The following PFAS variants were observed in gnomAD, a reference collection of about 807,000 sequenced individuals.
The protein encoded by PFAS is phosphoribosylformylglycinamidine synthase.
Under a neutral mutation model 140.6 loss-of-function variants are expected in PFAS, and 97 were observed. The observed-to-expected ratio is 0.69, with a 90% CI of 0.59 to 0.82. The LOEUF (loss-of-function observed/expected upper bound fraction) is 0.82. Ranked by LOEUF, PFAS falls within the 40% of genes least tolerant of loss-of-function variation. PFAS has a pLI of 0.00. For synonymous variants in PFAS, 679 were observed against 718.8 expected, an observed-to-expected ratio of 0.94 and a Z score of 0.88; for missense variants, 1,656 against 1,780.2, an observed-to-expected ratio of 0.93 and a Z score of 1.26.
intron 11 of PFAS, among the ~76,000 whole-genome samples, chr17:8,259,272 T>A (rs1989498708): frequency 6.6e-6 from 1 of 151,958 alleles, no homozygotes; most frequent in South Asian, 2.1e-4. Flanking sequence ...TCAAGTCAGA[T>A]TTTTTTTCTC....
intron 1 of PFAS, among the ~76,000 whole-genome samples, chr17:8,252,959 G>T (rs1989216772): frequency 6.6e-6 from 1 of 152,174 alleles, no homozygotes; most frequent in Admixed American, 6.6e-5. Flanking sequence ...AAGAGGTTTG[G>T]TGAGATTAGT....
rs753748834 is a variant in PFAS at position 8,263,892 on chromosome 17, C to T, written c.1747C>T (p.Arg583Cys). The T allele has an allele frequency of 1.1e-5, 18 of 1,613,926 alleles. No individual in the cohort carries two copies. The highest frequency in any genetic ancestry group is 2.7e-5 in the African/African-American group (2 of 74,920). ...CCTGACTCATGTCAGTGCCCGTGAA[C>T]GTTGCCCGGCTTGCTTCGTGGGCAC... ...DFLTHVSARE[R>C]CPACFVGTIT... is the part of the protein sequence containing the mutation. Residue 583 changes from arginine to cysteine, a missense_variant, in exon 15 of 28, where the codon CGT (arginine) becomes TGT (cysteine). By Grantham distance (180) the Arg-to-Cys change is radical. Transcript: ENST00000314666.
Position 8,268,702 on chromosome 17 carries a change from C to T in PFAS, c.3552C>T (p.Asp1184=). 1 of 1,613,336 alleles carries T rather than the reference C, an allele frequency of 6.2e-7. No homozygotes were observed. Among genetic ancestry groups the T allele is most frequent in the Non-Finnish European group, 8.5e-7 (1 of 1,179,932 alleles). ...PNEDAAEMGP[D]SQPARPGLLL... ...AGGATGCTGCAGAGATGGGCCCTGACTCCCAGCCAGCCCGGCCAGGCCTTC... is the reference window on the plus strand; with the variant it reads ...AGGATGCTGCAGAGATGGGCCCTGATTCCCAGCCAGCCCGGCCAGGCCTTC... Residue 1184 remains aspartate, a synonymous_variant, in exon 27 of 28, where the codon GAC becomes GAT. Transcript: ENST00000314666.
Position 8,257,870 on chromosome 17 carries a change from A to G in PFAS, c.1139A>G (p.Glu380Gly), listed in dbSNP as rs1387522997. The G allele has an allele frequency of 1.2e-6, 2 of 1,614,088 alleles. No homozygotes were observed. Among genetic ancestry groups the G allele is most frequent in the Admixed American group, 1.7e-5 (1 of 60,006 alleles). ...QYPGNFARPLEVAIEASNGAS... is the reference protein window; with the variant it reads ...QYPGNFARPLGVAIEASNGAS... ...CCTGGGAATTTTGCCCGGCCCCTGGAGGTTGCCATTGAAGCCAGTAATGGA... is the reference window on the plus strand; with the variant it reads ...CCTGGGAATTTTGCCCGGCCCCTGGGGGTTGCCATTGAAGCCAGTAATGGA... Residue 380 changes from glutamate to glycine, a missense_variant, in exon 10 of 28, where the codon GAG (glutamate) becomes GGG (glycine). By Grantham distance (98) the Glu-to-Gly change is moderately conservative. Transcript: ENST00000314666.
At chr17:8,252,560 C>T (rs1233419212) in intron 1 of PFAS, among the ~76,000 whole-genome samples, 15 of 151,432 alleles carry the variant, frequency 9.9e-5, no homozygotes, top group Admixed American at 9.2e-4. Flanking sequence ...CGCATCACCA[C>T]GCCCGGCTAA....
At position 8,269,217 on chromosome 17, in the gene PFAS, C is replaced by T; in HGVS notation, c.3970C>T (p.Gln1324Ter). Residue 1324 changes from glutamine (Q) to a stop codon, truncating the protein, a stop_gained, in exon 28 of 28, where the codon CAG becomes TAG. Transcript: ENST00000314666. LOFTEE classifies it high-confidence loss of function. The part of the protein sequence containing the change: ...FDTLTTSPWL[Q>*]LFINARNWTL... ...TACTCTGACCACCTCCCCCTGGCTCCAGCTCTTTATCAATGCCCGAAACTG... is the reference window on the plus strand; with the variant it reads ...TACTCTGACCACCTCCCCCTGGCTCTAGCTCTTTATCAATGCCCGAAACTG... The T allele has an allele frequency of 6.2e-7, 1 of 1,613,116 alleles. No homozygotes were observed. Among genetic ancestry groups the T allele is most frequent in the Non-Finnish European group, 8.5e-7 (1 of 1,179,558 alleles).
At position 8,267,079 on chromosome 17, in the gene PFAS, C is replaced by G; in HGVS notation, c.3019C>G (p.Leu1007Val). The change falls in exon 24 of 28, where the codon CTG becomes GTG. Residue 1007 changes from leucine (L) to valine (V), a missense_variant. By Grantham distance (32) the Leu-to-Val change is conservative. Transcript: ENST00000314666. The surrounding 1 kb of genome is among the most constrained non-coding windows in gnomAD (Gnocchi z 4.9). ...GGTTCTGGAGGAGCCTGTTGGGGAG[C>G]TGCGAGCCCTCTGGGAGGAGACGAG... ...AVVLEEPVGELRALWEETSFQ... is the reference protein window; with the variant it reads ...AVVLEEPVGEVRALWEETSFQ... 2 of 1,614,018 alleles carry G rather than the reference C, an allele frequency of 1.2e-6. No individual in the cohort carries two copies. The highest frequency in any genetic ancestry group is 2.2e-5 in the South Asian group (2 of 91,066).
Position 8,263,916 on chromosome 17 carries a change from A to G in PFAS, c.1771A>G (p.Thr591Ala). Reference protein sequence around the residue: ...RERCPACFVGTITGDRRIVLV... With the variant: ...RERCPACFVGAITGDRRIVLV... ...ACGTTGCCCGGCTTGCTTCGTGGGC[A>G]CCATCACTGGAGACCGGAGAGTGAG... The change falls in exon 15 of 28, where the codon ACC (threonine) becomes GCC (alanine). Residue 591 changes from threonine to alanine, a missense_variant. Physicochemically the swap from Thr to Ala is moderately conservative, Grantham distance 58 (BLOSUM62 0). Around this residue, in one of 2 missense-constraint regions of PFAS, gnomAD observed 883 missense variants for 1,023.0 expected, o/e 0.86. Transcript: ENST00000314666. 6.2e-7 allele frequency: 1 copy of G among 1,613,446 alleles called. No homozygotes were observed. Among genetic ancestry groups the G allele is most frequent in the Non-Finnish European group, 8.5e-7 (1 of 1,179,954 alleles).
intron 11 of PFAS, 142 bp from the exon 12 acceptor site, chr17:8,262,778 A>T: frequency 1.5e-6 from 1 of 670,546 alleles, no homozygotes; most frequent in Non-Finnish European, 2.7e-6. Context: ...CCTGGACAAC[A>T]GAGCGAGACT....
chr17:8,248,917 G>A (rs1334662947), upstream of PFAS, among the ~76,000 whole-genome samples: 1 of 152,110 alleles, frequency 6.6e-6, no homozygotes, highest in Non-Finnish European at 1.5e-5. Context: ...AGATGGATGG[G>A]GTAGCAGAGC....
intron 1 of PFAS, among the ~76,000 whole-genome samples, chr17:8,251,297 A>G (rs59752684): frequency 0.1 from 15,350 of 152,040 alleles, 1,305 homozygotes; most frequent in East Asian, 0.3. Flanking sequence ...AAAAAGAAAA[A>G]GAAAGACGGG....
upstream of PFAS, among the ~76,000 whole-genome samples, chr17:8,248,410 A>ACTTTT (rs1988965004): frequency 3.0e-5 from 2 of 67,664 alleles, no homozygotes; most frequent in Non-Finnish European, 5.7e-5. Context: ...CGCCCGGCTA[A>ACTTTT]TTTTTTTTTT....
upstream of PFAS, among the ~76,000 whole-genome samples, chr17:8,248,697 G>T (rs1597409407): frequency 2.6e-5 from 4 of 151,966 alleles, no homozygotes; most frequent in Admixed American, 2.6e-4. Flanking sequence ...AGCTGGGATC[G>T]CAGGCTTGCA....
rs763828741 is a variant in PFAS at position 8,262,877 on chromosome 17, C to T, written c.1337-43C>T. ...CTGCCTTGCTTTCGAGGCCTCTTCT[C>T]GTGGCTTCCCCAGTGTTCTGATTCT... On this transcript the variant is annotated intron_variant, in intron 11 of 27. Transcript: ENST00000314666. The T allele has an allele frequency of 3.2e-5, 48 of 1,514,608 alleles. 1 individual carries two copies. The highest frequency in any genetic ancestry group is 1.0e-4 in the Admixed American group (6 of 59,904). 93.8% of individuals were successfully genotyped at this position (1,514,608 alleles called of 1,614,324 possible).
intron 10 of PFAS, 33 bp downstream of exon 10, chr17:8,257,971 C>T (rs1329987118): frequency 1.2e-6 from 2 of 1,612,678 alleles, no homozygotes; most frequent in Non-Finnish European, 1.7e-6. Flanking sequence ...TGACAAACAC[C>T]CAGAGGGGCT....
chr17:8,266,975 T>C lies in PFAS; in HGVS notation c.2968-53T>C, dbSNP rs1989841644. Reference sequence around the variant, plus strand: ...GCCGCGGTCCATCCCTCTCCCACTGTGGAGGGGGCCATCCTTTCTCCTAGC... The same window carrying C: ...GCCGCGGTCCATCCCTCTCCCACTGCGGAGGGGGCCATCCTTTCTCCTAGC... On this transcript the variant is annotated intron_variant, in intron 23 of 27. Transcript: ENST00000314666. This position sits in a 1 kb window ranked among gnomAD's most constrained non-coding sequence, Gnocchi z 5.0. 7 of 1,603,416 alleles carry C rather than the reference T, an allele frequency of 4.4e-6. No individual in the cohort carries two copies. The East Asian group carries it at 1.6e-4, about 36-fold the overall frequency.
At chr17:8,264,431 C>T in intron 16 of PFAS, 39 bp from the exon 17 acceptor site, 1 of 1,612,752 alleles carries the variant, frequency 6.2e-7, no homozygotes, top group East Asian at 2.2e-5. Context: ...CCCAGCCCGC[C>T]CCAGGTGTTC....
upstream of PFAS, chr17:8,249,203 G>C (rs1200519392): frequency 2.0e-5 from 3 of 152,284 alleles, no homozygotes; most frequent in South Asian, 2.1e-4. Context: ...AATTCGGCCG[G>C]GTGGCTGGGG....
chr17:8,268,058 A>G (rs1420517431), intron 26 of PFAS, among the ~76,000 whole-genome samples: 1 of 142,330 alleles, frequency 7.0e-6, no homozygotes, highest in African/African-American at 2.6e-5. Context: ...AAATATATAT[A>G]TATATATATA....
Sources: gnomAD v4.1 joint callset for allele counts (sites outside exome capture counted in the v4.1 genomes callset) on GRCh38, gnomAD v4.1.1 for gene constraint, gnomAD v4.1.1 regional missense constraint, Gnocchi (gnomAD v3.1) non-coding constraint, MANE v1.5 for transcripts, NCBI Gene and HGNC (gene_info 2026-07-23, HGNC 2026-07-21) for gene names.